TENM3: variants seen among roughly 807,000 people sequenced by gnomAD.
TENM3 encodes the protein teneurin transmembrane protein 3, also known as teneurin-3.
TENM3 carries 63 observed loss-of-function variants against 255.1 expected under a neutral mutation model. That is an observed-to-expected ratio of 0.25 (90% CI 0.20 to 0.30). TENM3 has a LOEUF of 0.30. TENM3 is among the 10% of genes least tolerant of loss of function. TENM3 has a pLI of 1.00. For synonymous variants in TENM3, 1,306 were observed against 1,322.3 expected, an observed-to-expected ratio of 0.99 and a Z score of 0.27; for missense variants, 2,929 against 3,461.1, an observed-to-expected ratio of 0.85 and a Z score of 3.86.
chr4:182,242,477 G>A (rs1435450761), upstream of TENM3, among the ~76,000 whole-genome samples: 1 of 151,926 alleles, frequency 6.6e-6, no homozygotes, highest in Non-Finnish European at 1.5e-5. Flanking sequence ...AAACTTCTTG[G>A]TGGCCCAGCA....
At chr4:182,333,552 T>A (rs1037288322) in intron 2 of TENM3, among the ~76,000 whole-genome samples, 8 of 152,068 alleles carry the variant, frequency 5.3e-5, no homozygotes, top group Non-Finnish European at 1.2e-4. Context: ...TCAAATAAAC[T>A]CACAAGAAGA....
At chr4:181,540,553 C>A in the TENM3 span, among the ~76,000 whole-genome samples, 1 of 152,122 alleles carries the variant, frequency 6.6e-6, no homozygotes, top group African/African-American at 2.4e-5. Context: ...CAAGCTGACA[C>A]CAACAACATG....
At chr4:181,641,580 A>ATC in the TENM3 span, among the ~76,000 whole-genome samples, 1 of 90,048 alleles carries the variant, frequency 1.1e-5, no homozygotes, top group South Asian at 3.9e-4. Flanking sequence ...ATATATATAT[A>ATC]TATATATATA....
At chr4:181,828,743 C>T in the TENM3 span, among the ~76,000 whole-genome samples, 9 of 152,222 alleles carry the variant, frequency 5.9e-5, no homozygotes, top group Admixed American at 2.6e-4. Flanking sequence ...TGTGTGCCAC[C>T]ACACCCGGCT....
the TENM3 span, among the ~76,000 whole-genome samples, chr4:181,565,976 A>G: frequency 2.0e-5 from 3 of 152,188 alleles, no homozygotes; most frequent in Admixed American, 1.3e-4. Context: ...TCACATACAC[A>G]TTGTTCTAAG....
the TENM3 span, among the ~76,000 whole-genome samples, chr4:181,545,118 G>T: frequency 2.0e-4 from 30 of 152,324 alleles, no homozygotes; most frequent in Admixed American, 1.0e-3. Flanking sequence ...TACATTGAAT[G>T]ATTTTGAAGC....
chr4:181,749,475 T>G, the TENM3 span, among the ~76,000 whole-genome samples: 6 of 152,142 alleles, frequency 3.9e-5, no homozygotes, highest in South Asian at 1.2e-3. Flanking sequence ...AAATGCTGCT[T>G]TTTTAAAAAA....
chr4:181,899,430 T>G, the TENM3 span, among the ~76,000 whole-genome samples: 1 of 152,210 alleles, frequency 6.6e-6, no homozygotes, highest in East Asian at 1.9e-4. Flanking sequence ...AGAAAAATAC[T>G]TGATACGGTA....
chr4:182,660,319 G>A (rs1754122875), intron 6 of TENM3, among the ~76,000 whole-genome samples: 1 of 152,068 alleles, frequency 6.6e-6, no homozygotes, highest in Non-Finnish European at 1.5e-5. Context: ...GTATACGAAG[G>A]GCCATGCATC....
intron 1 of TENM3, among the ~76,000 whole-genome samples, chr4:182,315,595 G>T (rs1762709599): frequency 6.6e-6 from 1 of 151,872 alleles, no homozygotes; most frequent in Non-Finnish European, 1.5e-5. Flanking sequence ...CTTGTGTTTG[G>T]GGCTTGTTGA....
chr4:182,035,281 C>A, the TENM3 span, among the ~76,000 whole-genome samples: 1 of 152,108 alleles, frequency 6.6e-6, no homozygotes, highest in African/African-American at 2.4e-5. Flanking sequence ...GAAAGCATGG[C>A]AACACAGTTT....
chr4:181,506,654 C>T, the TENM3 span, among the ~76,000 whole-genome samples: 2 of 151,798 alleles, frequency 1.3e-5, no homozygotes, highest in South Asian at 4.2e-4. Context: ...CCATGCATGT[C>T]ACAGAGTAAA....
intron 4 of TENM3, among the ~76,000 whole-genome samples, chr4:182,602,613 A>G (rs1346110371): frequency 6.6e-6 from 1 of 152,172 alleles, no homozygotes; most frequent in African/African-American, 2.4e-5. Flanking sequence ...TTTATTGTTT[A>G]TTTTGTATTA....
At chr4:182,732,025 C>A (rs1307195555) in intron 16 of TENM3, among the ~76,000 whole-genome samples, 1 of 152,042 alleles carries the variant, frequency 6.6e-6, no homozygotes, top group Non-Finnish European at 1.5e-5. Context: ...TCGTGATCCG[C>A]CCACCTTGAC....
At chr4:181,625,656 C>A in the TENM3 span, among the ~76,000 whole-genome samples, 206 of 151,492 alleles carry the variant, frequency 1.4e-3, 1 homozygote, top group Non-Finnish European at 2.5e-3. Context: ...ACTAGAAATA[C>A]AAAAAAAATT....
the TENM3 span, among the ~76,000 whole-genome samples, chr4:182,125,857 T>C: frequency 6.7e-6 from 1 of 150,294 alleles, no homozygotes; most frequent in African/African-American, 2.4e-5. Context: ...AATGATAATA[T>C]AGAGCATAAA....
At chr4:182,550,677 C>A (rs1741908110) in intron 3 of TENM3, among the ~76,000 whole-genome samples, 1 of 152,168 alleles carries the variant, frequency 6.6e-6, no homozygotes, top group Admixed American at 6.5e-5. Flanking sequence ...GGAGGATCTT[C>A]TATCACTGTA....
chr4:181,558,513 G>A, the TENM3 span, among the ~76,000 whole-genome samples: 1 of 152,332 alleles, frequency 6.6e-6, no homozygotes, highest in African/African-American at 2.4e-5. Flanking sequence ...AAGCACTTAT[G>A]AATACTCCCT....
At chr4:181,866,665 T>A in the TENM3 span, among the ~76,000 whole-genome samples, 1 of 152,116 alleles carries the variant, frequency 6.6e-6, no homozygotes, top group South Asian at 2.1e-4. Flanking sequence ...TGCCCCACAT[T>A]TTTTACTGTC....
Sources: gnomAD v4.1 joint callset for allele counts (sites outside exome capture counted in the v4.1 genomes callset) on GRCh38, gnomAD v4.1.1 for gene constraint, MANE v1.5 for transcripts, NCBI Gene and HGNC (gene_info 2026-07-23, HGNC 2026-07-21) for gene names.